Variants in EBF4 observed in about 807,000 individuals in gnomAD.
The protein encoded by EBF4 is transcription factor COE4.
EBF4 carries 34 observed loss-of-function variants against 67.1 expected under a neutral mutation model. The ratio of observed to expected loss-of-function variants is 0.51; its 90% confidence interval spans 0.39 to 0.67. The LOEUF is 0.67. EBF4 is among the 30% of genes least tolerant of loss of function. The pLI, the probability that EBF4 is intolerant of heterozygous loss-of-function variation, is 0.00. For synonymous variants in EBF4, 387 were observed against 377.7 expected (o/e 1.02, Z -0.29); for missense variants, 837 against 873.3 (o/e 0.96, Z 0.52).
In EBF4 at chr20:2,730,359, T is replaced by C. The variant is rs571036515; in HGVS notation, c.558-18190T>C. Reference sequence around the variant, plus strand: ...TCCCTGCCTTCATCTTCACAGTGCCTCTTCCTCTTCTGTCTAATCTCCCTC... The same window carrying C: ...TCCCTGCCTTCATCTTCACAGTGCCCCTTCCTCTTCTGTCTAATCTCCCTC... On this transcript the variant is annotated intron_variant, in intron 6 of 16. Coordinates refer to ENST00000609451, the Ensembl canonical transcript of EBF4. 1.8e-3 allele frequency among the ~76,000 whole-genome samples: 271 copies of C among 152,260 alleles called. 3 individuals carry two copies. The highest frequency in any genetic ancestry group is 5.7e-4 in the Non-Finnish European group (39 of 68,006).
intron 6 of EBF4, among the ~76,000 whole-genome samples, chr20:2,723,006 CT>C (rs1219318584): frequency 6.6e-6 from 1 of 152,150 alleles, no homozygotes; most frequent in Non-Finnish European, 1.5e-5. Flanking sequence ...TCTGCTTGAT[CT>C]ATTGGAAACT....
chr20:2,714,324 C>G (rs80036432), intron 6 of EBF4, among the ~76,000 whole-genome samples: 8,775 of 151,396 alleles, frequency 0.058, 772 homozygotes, highest in African/African-American at 0.19. Context: ...CTTTCCTTCT[C>G]TCTTTCTCTC....
chr20:2,719,631 C>T (rs1439409496), intron 6 of EBF4, among the ~76,000 whole-genome samples: 1 of 152,142 alleles, frequency 6.6e-6, no homozygotes, highest in Non-Finnish European at 1.5e-5. Context: ...TCTCGAACTA[C>T]AGGGCTCAAG....
rs896989989 is a variant in EBF4 at position 2,715,311 on chromosome 20, A to G, written c.557+5669A>G. Among the ~76,000 whole-genome samples the G allele has an allele frequency of 1.3e-4, 20 of 152,368 alleles. No homozygotes were observed. The East Asian group carries it at 3.7e-3, about 28-fold the overall frequency. Reference sequence around the variant, plus strand: ...GCAACCTTCTGCAATGCTCTTTTTAAATTCAGCATATTTCTAAGATTTATC... The same window carrying G: ...GCAACCTTCTGCAATGCTCTTTTTAGATTCAGCATATTTCTAAGATTTATC... On this transcript the variant is annotated intron_variant, in intron 6 of 16. Transcript: ENST00000609451.
rs143157160 is a variant in EBF4, at chr20:2,696,385, T to G, written c.137+2603T>G. On this transcript the variant is annotated intron_variant, in intron 1 of 16. Transcript: ENST00000609451. The surrounding 1 kb of genome is among the most constrained non-coding windows in gnomAD (Gnocchi z 4.7). ...TACTTGGGAGGCTGAGGTGGGAGGATTGCTTGAGCCCGGGAGGCAGAGGCT... is the reference window on the plus strand; with the variant it reads ...TACTTGGGAGGCTGAGGTGGGAGGAGTGCTTGAGCCCGGGAGGCAGAGGCT... Among the ~76,000 whole-genome samples, 305 of 152,200 alleles carry G rather than the reference T, an allele frequency of 2.0e-3. 5 individuals are homozygous for G. In the South Asian group the frequency reaches 0.021, roughly 10 times the overall value.
intron 5 of EBF4, among the ~76,000 whole-genome samples, chr20:2,708,445 C>T (rs1329938590): frequency 3.3e-5 from 5 of 152,194 alleles, no homozygotes; most frequent in Admixed American, 2.0e-4. Context: ...GGTGCACAGC[C>T]CTTGGCTCCC....
chr20:2,713,618 A>G (rs2087571350), intron 6 of EBF4, among the ~76,000 whole-genome samples: 1 of 152,174 alleles, frequency 6.6e-6, no homozygotes, highest in Non-Finnish European at 1.5e-5. Context: ...GGTTGCATAA[A>G]ACCAGAGTTA....
chr20:2,697,876 C>A (rs1305892721), intron 1 of EBF4, among the ~76,000 whole-genome samples: 1 of 152,258 alleles, frequency 6.6e-6, no homozygotes, highest in Non-Finnish European at 1.5e-5. Flanking sequence ...AAGGCCCAGG[C>A]CAGACCTCCC....
chr20:2,749,558 G>C (rs1256121942), intron 8 of EBF4, 40 bp downstream of exon 8: 1 of 1,538,464 alleles, frequency 6.5e-7, no homozygotes, highest in East Asian at 2.5e-5. Context: ...CGCGGGCCCA[G>C]CCAGCCCCCC....
intron 6 of EBF4, among the ~76,000 whole-genome samples, chr20:2,729,247 G>A (rs911145890): frequency 6.6e-6 from 1 of 151,670 alleles, no homozygotes; most frequent in Admixed American, 6.6e-5. Context: ...GCGCATTTTC[G>A]CAACAGTTCA....
In EBF4 at chr20:2,752,146, C is replaced by G. The variant is rs530841663; in HGVS notation, c.1234C>G (p.Pro412Ala). 172 of 1,448,988 alleles carry G rather than the reference C, an allele frequency of 1.2e-4. 1 individual carries two copies. In the African/African-American group the frequency reaches 2.4e-3, roughly 21 times the overall value. The allele number at this position is 1,448,988 out of a possible 1,614,324, so 89.8% of individuals were successfully genotyped here. A position where few individuals can be genotyped will look rare whatever the true frequency, so the allele number is the denominator to read the frequency against. ...GGCTCTGTACAGCACCCCCCGCGCA[C>G]CCGGGCCGCTCGCACCCCTGGCCCC... The change falls in exon 13 of 17, where the codon CCC (proline) becomes GCC (alanine). Residue 412 changes from proline to alanine, a missense_variant. This residue lies in a region of EBF4 where 525 missense variants were observed against 496.5 expected (regional missense o/e 1.06). Transcript: ENST00000609451.
intron 6 of EBF4, among the ~76,000 whole-genome samples, chr20:2,720,866 T>C (rs972934115): frequency 3.3e-5 from 5 of 152,168 alleles, no homozygotes; most frequent in Non-Finnish European, 7.3e-5. Context: ...TAGGTGATAG[T>C]TGGGTTTCTT....
chr20:2,737,202 A>C (rs1416378550), intron 6 of EBF4, among the ~76,000 whole-genome samples: 1 of 149,730 alleles, frequency 6.7e-6, no homozygotes, highest in Non-Finnish European at 1.5e-5. Context: ...GTGAGCCGAG[A>C]TCGCGCCACT....
intron 1 of EBF4, among the ~76,000 whole-genome samples, chr20:2,698,405 C>T (rs1470929154): frequency 6.6e-6 from 1 of 152,222 alleles, no homozygotes; most frequent in Non-Finnish European, 1.5e-5. Context: ...CCCCAGTCTG[C>T]ACCATGGCCA....
At position 2,747,589 on chromosome 20, in the gene EBF4, T is replaced by C. The variant is rs2088070744; in HGVS notation, c.558-960T>C. Among the ~76,000 whole-genome samples, 2 of 152,194 alleles carry C rather than the reference T, an allele frequency of 1.3e-5. No homozygotes were observed. Among genetic ancestry groups the C allele is most frequent in the African/African-American group, 4.8e-5 (2 of 41,428 alleles). On this transcript the variant is annotated intron_variant, in intron 6 of 16. Coordinates refer to ENST00000609451, the Ensembl canonical transcript of EBF4. The surrounding 1 kb of genome is among the most constrained non-coding windows in gnomAD (Gnocchi z 4.6). ...CCATGTGTATATGGTGGGTATGTGC[T>C]CTGTATGATTAAGCTTTTCCTATGT...
intron 1 of EBF4, among the ~76,000 whole-genome samples, chr20:2,702,985 GT>G (rs1283675079): frequency 1.3e-5 from 2 of 152,114 alleles, no homozygotes; most frequent in Non-Finnish European, 2.9e-5. Context: ...TAAGCAGGGT[GT>G]GTTAGTTGGC....
Position 2,756,197 on chromosome 20 carries a change from G to A in EBF4, c.1738+373G>A, listed in dbSNP as rs1282955786. 5.3e-5 allele frequency among the ~76,000 whole-genome samples: 8 copies of A among 152,244 alleles called. No homozygotes were observed. Among genetic ancestry groups the A allele is most frequent in the Non-Finnish European group, 8.8e-5 (6 of 68,034 alleles). On this transcript the variant is annotated intron_variant, in intron 15 of 16. Coordinates refer to ENST00000609451, the Ensembl canonical transcript of EBF4. The surrounding 1 kb of genome is among the most constrained non-coding windows in gnomAD (Gnocchi z 4.5). ...CACGCCTGTACCTGTGCCTCCCTGT[G>A]TCCACCAGAGGGTAGCACACACCAC...
Position 2,752,236 on chromosome 20 carries a change from G to C in EBF4, c.1324G>C (p.Gly442Arg), listed in dbSNP as rs757326634. The change falls in exon 13 of 17, where the codon GGG becomes CGG. Residue 442 changes from glycine (G) to arginine (R), a missense_variant. Physicochemically the swap from Gly to Arg is moderately radical, Grantham distance 125. This residue lies in a region of EBF4 where 525 missense variants were observed against 496.5 expected (regional missense o/e 1.06). Transcript: ENST00000609451. ...CAGCAGCCCGCTGGCCATCGCCGTC[G>C]GGGACGCCACCCCGGGGCCCGAGCC... is the stretch of plus-strand genomic sequence containing the variant. The C allele has an allele frequency of 8.6e-5, 114 of 1,327,018 alleles. No homozygotes were observed. Among genetic ancestry groups the C allele is most frequent in the Non-Finnish European group, 8.4e-5 (87 of 1,038,264 alleles). The allele number at this position is 1,327,018 out of a possible 1,614,324, so 82.2% of individuals were successfully genotyped here.
rs2088248434 is a variant in EBF4, at chr20:2,756,653, A to G, written c.1738+829A>G. 6.6e-6 allele frequency among the ~76,000 whole-genome samples: 1 copy of G among 152,248 alleles called. No individual in the cohort carries two copies. On this transcript the variant is annotated intron_variant, in intron 15 of 16. Coordinates refer to ENST00000609451, the Ensembl canonical transcript of EBF4. The surrounding 1 kb of genome is among the most constrained non-coding windows in gnomAD (Gnocchi z 4.5). ...CAGGTGTTTAATAAATAGTCAAATT[A>G]TTGAATGAATATATGAGTCAGAAGG...
Sources: gnomAD v4.1 joint callset for allele counts (sites outside exome capture counted in the v4.1 genomes callset) on GRCh38, gnomAD v4.1.1 for gene constraint, gnomAD v4.1.1 regional missense constraint, Gnocchi (gnomAD v3.1) non-coding constraint, MANE v1.5 for transcripts, NCBI Gene and HGNC (gene_info 2026-07-23, HGNC 2026-07-21) for gene names.